The following UMAD1 variants were observed in gnomAD, a reference collection of about 807,000 sequenced individuals.
UMAD1 encodes UBAP1-MVB12-associated (UMA) domain containing 1.
UMAD1 carries 8 observed loss-of-function variants against 6.1 expected under a neutral mutation model. That is an observed-to-expected ratio of 1.30 (90% CI 0.76 to 2.35). The LOEUF (loss-of-function observed/expected upper bound fraction) is 2.35. UMAD1 is among the 30% of genes most tolerant of loss of function. UMAD1 has a pLI of 0.00. For missense variants in UMAD1, 130 were observed against 78.4 expected (o/e 1.66, Z -2.49); for synonymous variants, 56 against 31.4 (o/e 1.78, Z -2.61).
rs377511122 is a variant in UMAD1, at chr7:7,732,670, T to C, written c.82+59217T>C. 1.8e-4 allele frequency among the ~76,000 whole-genome samples: 27 copies of C among 152,218 alleles called. No homozygotes were observed. In the East Asian group the frequency reaches 2.1e-3, roughly 12 times the overall value. ...CGAGTGATTTCATAAATTGCATTCA[T>C]GATCCTGGCTGGAAGTTCTCTTAAA... On this transcript the variant is annotated intron_variant, in intron 2 of 3. Transcript: ENST00000682710.
chr7:7,700,567 T>TA (rs1361260195), intron 2 of UMAD1, among the ~76,000 whole-genome samples: 1 of 151,638 alleles, frequency 6.6e-6, no homozygotes, highest in Non-Finnish European at 1.5e-5. Context: ...CTCTACAAAA[T>TA]AAAAACAACA....
Position 7,819,711 on chromosome 7 carries a change from C to T in UMAD1, c.156+17968C>T, listed in dbSNP as rs1783205497. 2.6e-5 allele frequency among the ~76,000 whole-genome samples: 4 copies of T among 152,218 alleles called. No individual in the cohort carries two copies. The South Asian group carries it at 8.3e-4, about 31-fold the overall frequency. On this transcript the variant is annotated intron_variant, in intron 3 of 3. Coordinates refer to ENST00000682710, the MANE Select transcript of UMAD1 (RefSeq NM_001302348.2). Reference sequence around the variant, plus strand: ...AAAGGTGATTTTGTCACCAGAATATCTGATGAGTAAATCTGCATTTGCATT... The same window carrying T: ...AAAGGTGATTTTGTCACCAGAATATTTGATGAGTAAATCTGCATTTGCATT...
chr7:7,863,467 TTCGTATAGTACTA>T (rs1784151385), intron 3 of UMAD1, among the ~76,000 whole-genome samples: 1 of 152,220 alleles, frequency 6.6e-6, no homozygotes, highest in Non-Finnish European at 1.5e-5. Context: ...AGTATGTTGT[TTCGTATAGTACTA>T]TGGGGCATGC....
intron 2 of UMAD1, among the ~76,000 whole-genome samples, chr7:7,794,087 C>G (rs1284396875): frequency 1.3e-5 from 2 of 152,138 alleles, no homozygotes; most frequent in South Asian, 2.1e-4. Context: ...ATGTGAACCC[C>G]TTGGAACCAG....
At chr7:7,831,569 A>G (rs1783468054) in intron 3 of UMAD1, among the ~76,000 whole-genome samples, 1 of 151,930 alleles carries the variant, frequency 6.6e-6, no homozygotes, top group Non-Finnish European at 1.5e-5. Flanking sequence ...TTTTTTGTTG[A>G]TTACGTGAAC....
chr7:7,725,441 C>T (rs1032006139), intron 2 of UMAD1, among the ~76,000 whole-genome samples: 7 of 152,122 alleles, frequency 4.6e-5, no homozygotes, highest in Non-Finnish European at 7.4e-5. Flanking sequence ...GGCAGGCCCC[C>T]ATAAGTGAAT....
intron 2 of UMAD1, among the ~76,000 whole-genome samples, chr7:7,706,682 A>C (rs1248886546): frequency 3.3e-5 from 5 of 152,204 alleles, no homozygotes; most frequent in Admixed American, 3.3e-4. Flanking sequence ...TATTATTTCT[A>C]ACTCACAGAT....
At position 7,673,310 on chromosome 7, in the gene UMAD1, TAGCAGCAGCAGC is replaced by T; in HGVS notation, c.-12_-1del. On this transcript the variant is annotated splice_region_variant and 5_prime_UTR_variant, in exon 2 of 4. Coordinates refer to ENST00000682710, the MANE Select transcript of UMAD1 (RefSeq NM_001302348.2). ...CATTGTGTAATGTTTCTATTTCAGG[TAGCAGCAGCAGC>T]AGCAGCAGCAGCAGCAGCAGCAGCA... 0.023 allele frequency: 23,077 copies of T among 982,842 alleles called. 271 individuals carry two copies. Among genetic ancestry groups the T allele is most frequent in the African/African-American group, 0.042 (2,574 of 60,630 alleles). The allele number at this position is 982,842 out of a possible 1,614,324, so 60.9% of individuals were successfully genotyped here.
chr7:7,875,943 T>A (rs1045281643), intron 3 of UMAD1, among the ~76,000 whole-genome samples: 3 of 152,094 alleles, frequency 2.0e-5, no homozygotes, highest in Non-Finnish European at 4.4e-5. Flanking sequence ...CCAAGCATGG[T>A]GGCATGCTCC....
At chr7:7,667,972 G>A (rs1247743909) in intron 1 of UMAD1, among the ~76,000 whole-genome samples, 1 of 152,092 alleles carries the variant, frequency 6.6e-6, no homozygotes, top group Non-Finnish European at 1.5e-5. Context: ...CTGTCACCCA[G>A]GCTGCAGTGC....
At chr7:7,679,779 A>C (rs1001265184) in intron 2 of UMAD1, among the ~76,000 whole-genome samples, 1 of 149,840 alleles carries the variant, frequency 6.7e-6, no homozygotes, top group Admixed American at 6.7e-5. Context: ...TACTCAGGCC[A>C]CTTTCGAACT....
chr7:7,697,935 G>A (rs1275437108), intron 2 of UMAD1, among the ~76,000 whole-genome samples: 2 of 152,122 alleles, frequency 1.3e-5, no homozygotes, highest in South Asian at 4.1e-4. Context: ...ACCTTCATGA[G>A]GGCTGTGAAA....
At chr7:7,745,089 G>GA (rs1189610788) in intron 2 of UMAD1, among the ~76,000 whole-genome samples, 2 of 151,964 alleles carry the variant, frequency 1.3e-5, no homozygotes, top group Non-Finnish European at 2.9e-5. Context: ...GCAAGCTAGA[G>GA]AAAAAAAGAT....
intron 2 of UMAD1, among the ~76,000 whole-genome samples, chr7:7,713,374 A>G (rs1238220936): frequency 6.6e-6 from 1 of 151,628 alleles, no homozygotes; most frequent in Non-Finnish European, 1.5e-5. Flanking sequence ...CAAACAAACA[A>G]ACAAATCTAA....
intron 2 of UMAD1, among the ~76,000 whole-genome samples, chr7:7,679,680 A>G (rs1484692964): frequency 2.3e-5 from 3 of 128,018 alleles, no homozygotes; most frequent in Non-Finnish European, 3.1e-5. Context: ...TTTATAGATA[A>G]ATATATATTT....
intron 2 of UMAD1, among the ~76,000 whole-genome samples, chr7:7,795,930 A>G (rs1782667689): frequency 6.6e-6 from 1 of 152,100 alleles, no homozygotes; most frequent in South Asian, 2.1e-4. Context: ...GTGACTAAGA[A>G]TGTCTAACCT....
At position 7,699,034 on chromosome 7, in the gene UMAD1, TTG is replaced by T. The variant is rs756479031; in HGVS notation, c.82+25596_82+25597del. Among the ~76,000 whole-genome samples the T allele has an allele frequency of 3.7e-3, 474 of 127,182 alleles. 1 individual carries two copies. The highest frequency in any genetic ancestry group is 4.7e-3 in the Non-Finnish European group (275 of 58,492). The allele number at this position is 127,182 out of a possible 152,430, so 83.4% of individuals were successfully genotyped here. On this transcript the variant is annotated intron_variant, in intron 2 of 3. Transcript: ENST00000682710. ...CATGCCCAGTTAATTTTTATATAGT[TTG>T]TGTGTGTGTGTGTGGGGGGGGGGTA...
At chr7:7,642,606 C>CT (rs1213145361) in intron 1 of UMAD1, among the ~76,000 whole-genome samples, 1 of 152,084 alleles carries the variant, frequency 6.6e-6, no homozygotes, top group Non-Finnish European at 1.5e-5. Flanking sequence ...TTTAAAACAG[C>CT]TTTTTCGTGT....
chr7:7,765,901 GT>G (rs1008372585), intron 2 of UMAD1, among the ~76,000 whole-genome samples: 27 of 151,980 alleles, frequency 1.8e-4, no homozygotes, highest in African/African-American at 5.5e-4. Flanking sequence ...TAGTATCTGA[GT>G]TTTTTTTGAA....
Sources: allele counts gnomAD v4.1 joint callset (sites outside exome capture counted in the v4.1 genomes callset), GRCh38; gene constraint gnomAD v4.1.1; transcripts MANE v1.5; gene names NCBI Gene and HGNC (gene_info 2026-07-23, HGNC 2026-07-21).